CDH4: variants seen among roughly 807,000 people sequenced by gnomAD.
CDH4 encodes cadherin 4, also known as cadherin-4.
A neutral mutation model predicts 86.0 loss-of-function variants in CDH4; 33 were observed. That is an observed-to-expected ratio of 0.38 (90% CI 0.29 to 0.51). CDH4 has a LOEUF of 0.51. CDH4 is among the 20% of genes least tolerant of loss of function. The pLI is 0.86. For synonymous variants in CDH4, 555 were observed against 549.4 expected, an observed-to-expected ratio of 1.01 and a Z score of -0.14; for missense variants, 1,114 against 1,307.4, an observed-to-expected ratio of 0.85 and a Z score of 2.28.
At chr20:61,682,479 A>AGATG (rs370479959) in intron 2 of CDH4, among the ~76,000 whole-genome samples, 5 of 149,670 alleles carry the variant, frequency 3.3e-5, no homozygotes, top group Admixed American at 2.7e-4. Flanking sequence ...ATGGATGGAC[A>AGATG]GATGGATGGA....
Position 61,480,202 on chromosome 20 carries a change from T to TGCCC in CDH4, c.169+225265_169+225266insGCCC, listed in dbSNP as rs1185204401. 2.0e-5 allele frequency among the ~76,000 whole-genome samples: 3 copies of TGCCC among 152,058 alleles called. No homozygotes were observed. Among genetic ancestry groups the TGCCC allele is most frequent in the African/African-American group, 7.2e-5 (3 of 41,394 alleles). The stretch of plus-strand genomic sequence containing the variant: ...GGGCCCTATTTTTTCCCCAACAGAC[T>TGCCC]CCCAATCCATCTCTTCCACCCCAGG... On this transcript the variant is annotated intron_variant, in intron 2 of 15. Transcript: ENST00000614565. This position sits in a 1 kb window ranked among gnomAD's most constrained non-coding sequence, Gnocchi z 5.2.
intron 2 of CDH4, among the ~76,000 whole-genome samples, chr20:61,549,604 G>T (rs927526736): frequency 1.3e-5 from 2 of 152,310 alleles, no homozygotes; most frequent in East Asian, 3.9e-4. Flanking sequence ...ATGAGGGCTC[G>T]CAGCCTCTTT....
intron 2 of CDH4, among the ~76,000 whole-genome samples, chr20:61,694,527 G>A (rs1438156781): frequency 6.6e-6 from 1 of 152,198 alleles, no homozygotes; most frequent in East Asian, 1.9e-4. Flanking sequence ...AACTGGAAAA[G>A]AGAATGCTTT....
intron 2 of CDH4, among the ~76,000 whole-genome samples, chr20:61,424,093 C>T (rs1001378788): frequency 5.3e-5 from 8 of 151,972 alleles, no homozygotes; most frequent in Non-Finnish European, 7.4e-5. Flanking sequence ...CGTATACACA[C>T]GTATACACAC....
chr20:61,328,301 G>A (rs200599999), intron 2 of CDH4, among the ~76,000 whole-genome samples: 14 of 151,942 alleles, frequency 9.2e-5, no homozygotes, highest in Non-Finnish European at 1.8e-4. Flanking sequence ...TCAGCCTCCC[G>A]AGTAGCTAGG....
chr20:61,528,283 A>C (rs552154727), intron 2 of CDH4, among the ~76,000 whole-genome samples: 1 of 151,090 alleles, frequency 6.6e-6, no homozygotes, highest in South Asian at 2.1e-4. Context: ...AGGCTGAGGC[A>C]GGAGAATCAC....
intron 2 of CDH4, among the ~76,000 whole-genome samples, chr20:61,632,454 G>T (rs1014030602): frequency 6.6e-6 from 1 of 152,132 alleles, no homozygotes; most frequent in Non-Finnish European, 1.5e-5. Context: ...CCCCATTAAA[G>T]GATGGAAGCA....
rs370265780 is a variant in CDH4, at chr20:61,460,108, T to G, written c.169+205171T>G. Among the ~76,000 whole-genome samples, 10 of 152,248 alleles carry G rather than the reference T, an allele frequency of 6.6e-5. No individual in the cohort carries two copies. The South Asian group carries it at 8.3e-4, about 13-fold the overall frequency. ...TATCCCTTAGTAGAAATTCAATAAA[T>G]ATTTGTTAAATGAATGTGCAAGGTG... On this transcript the variant is annotated intron_variant, in intron 2 of 15. Coordinates refer to ENST00000614565, the MANE Select transcript of CDH4 (RefSeq NM_001794.5).
At chr20:61,361,353 G>A (rs942282905) in intron 2 of CDH4, among the ~76,000 whole-genome samples, 1 of 152,134 alleles carries the variant, frequency 6.6e-6, no homozygotes, top group Non-Finnish European at 1.5e-5. Flanking sequence ...GATCACATGT[G>A]TCAAAAAAGA....
chr20:61,863,062 G>A (rs145193135), intron 6 of CDH4, among the ~76,000 whole-genome samples: 2 of 152,284 alleles, frequency 1.3e-5, no homozygotes, highest in Non-Finnish European at 2.9e-5. Context: ...TCAGTGATTT[G>A]AACAGAAAGC....
chr20:61,881,578 T>C (rs1984277687), intron 7 of CDH4, among the ~76,000 whole-genome samples: 1 of 152,180 alleles, frequency 6.6e-6, no homozygotes, highest in African/African-American at 2.4e-5. Context: ...CCTTTGGAAC[T>C]GGGCCCAGGC....
chr20:61,429,787 G>GGATGGATGGA (rs767880253), intron 2 of CDH4, among the ~76,000 whole-genome samples: 1 of 119,010 alleles, frequency 8.4e-6, no homozygotes, highest in Admixed American at 8.2e-5. Context: ...GGATGGATGG[G>GGATGGATGGA]TGGGTGGAAA....
chr20:61,892,422 G>T (rs1404740643), intron 7 of CDH4, among the ~76,000 whole-genome samples: 1 of 152,242 alleles, frequency 6.6e-6, no homozygotes, highest in African/African-American at 2.4e-5. Context: ...GTTGGCAAGG[G>T]TTACAGACAA....
At chr20:61,385,677 C>A (rs780892659) in intron 2 of CDH4, among the ~76,000 whole-genome samples, 9 of 152,172 alleles carry the variant, frequency 5.9e-5, no homozygotes, top group Non-Finnish European at 1.0e-4. Flanking sequence ...CACGCTGTAT[C>A]CAGGCTGGCT....
intron 2 of CDH4, among the ~76,000 whole-genome samples, chr20:61,410,035 G>C (rs1440627115): frequency 6.6e-6 from 1 of 152,234 alleles, no homozygotes; most frequent in African/African-American, 2.4e-5. Context: ...TCAGTGCAGA[G>C]CGGGGATCTG....
At chr20:61,824,754 T>C (rs1981230691) in intron 4 of CDH4, among the ~76,000 whole-genome samples, 1 of 152,222 alleles carries the variant, frequency 6.6e-6, no homozygotes, top group Non-Finnish European at 1.5e-5. Context: ...GGCCTTTTCA[T>C]CTGCAGCCTT....
At chr20:61,906,354 G>A (rs1177551999) in intron 8 of CDH4, among the ~76,000 whole-genome samples, 1 of 152,224 alleles carries the variant, frequency 6.6e-6, no homozygotes, top group African/African-American at 2.4e-5. Context: ...CAGGCCTCGG[G>A]CCAACACCAC....
At chr20:61,724,010 A>G (rs13042370) in intron 2 of CDH4, among the ~76,000 whole-genome samples, 919 of 62,398 alleles carry the variant, frequency 0.015, 25 homozygotes, top group East Asian at 0.038. Context: ...GGGGCACAGG[A>G]TGGAGGCTCC....
intron 2 of CDH4, among the ~76,000 whole-genome samples, chr20:61,436,297 C>A (rs2085281712): frequency 6.6e-6 from 1 of 152,222 alleles, no homozygotes; most frequent in African/African-American, 2.4e-5. Context: ...CTGCAATTCA[C>A]TTCTGACACT....
Sources: gnomAD v4.1 joint callset for allele counts (sites outside exome capture counted in the v4.1 genomes callset) on GRCh38, gnomAD v4.1.1 for gene constraint, Gnocchi (gnomAD v3.1) non-coding constraint, MANE v1.5 for transcripts, NCBI Gene and HGNC (gene_info 2026-07-23, HGNC 2026-07-21) for gene names.